The following SLC16A12 variants were observed in gnomAD, a reference collection of about 807,000 sequenced individuals.
SLC16A12 encodes solute carrier family 16 member 12, also known as monocarboxylate transporter 12.
In SLC16A12, 17 loss-of-function variants were observed where a neutral mutation model predicts 42.4. That is an observed-to-expected ratio of 0.40 (90% CI 0.27 to 0.60). The LOEUF (loss-of-function observed/expected upper bound fraction) is 0.60, where lower values mean the gene tolerates loss of function less well. SLC16A12 is among the 20% of genes least tolerant of loss of function. The pLI is 0.42. For synonymous variants in SLC16A12, 224 were observed against 229.4 expected, an observed-to-expected ratio of 0.98 and a Z score of 0.21; for missense variants, 544 against 623.0, an observed-to-expected ratio of 0.87 and a Z score of 1.35.
chr10:89,525,474 G>A (rs995272054), intron 2 of SLC16A12, among the ~76,000 whole-genome samples: 1 of 152,102 alleles, frequency 6.6e-6, no homozygotes, highest in East Asian at 1.9e-4. Context: ...GGAAGATAAC[G>A]AAAGAAGTCA....
intron 2 of SLC16A12, among the ~76,000 whole-genome samples, chr10:89,476,982 G>A (rs1842590979): frequency 6.6e-6 from 1 of 152,220 alleles, no homozygotes; most frequent in African/African-American, 2.4e-5. Flanking sequence ...AGCCACAGCA[G>A]GTCACACAAA....
chr10:89,508,008 C>A (rs372788377), intron 2 of SLC16A12, among the ~76,000 whole-genome samples: 1 of 152,182 alleles, frequency 6.6e-6, no homozygotes, highest in Non-Finnish European at 1.5e-5. Flanking sequence ...GTAACGGGAT[C>A]AATCGACAAG....
chr10:89,462,922 G>T, intron 2 of SLC16A12: 1 of 231,318 alleles, frequency 4.3e-6, no homozygotes, highest in Non-Finnish European at 8.4e-6. Flanking sequence ...AGGGATGTGA[G>T]CAGAAGTCAT....
intron 2 of SLC16A12, among the ~76,000 whole-genome samples, chr10:89,493,245 G>A (rs1842873175): frequency 6.7e-6 from 1 of 148,374 alleles, no homozygotes; most frequent in East Asian, 2.0e-4. Context: ...GGTCTGAGAA[G>A]GAGTTTCACT....
chr10:89,482,247 A>C (rs1842675675), intron 2 of SLC16A12, among the ~76,000 whole-genome samples: 1 of 150,894 alleles, frequency 6.6e-6, no homozygotes. Flanking sequence ...AAAAAAAAAA[A>C]AAAAAGAAGA....
intron 3 of SLC16A12, among the ~76,000 whole-genome samples, chr10:89,445,028 C>T (rs866634763): frequency 1.2e-4 from 19 of 152,372 alleles, no homozygotes; most frequent in South Asian, 4.1e-4. Flanking sequence ...AACTGTGAGG[C>T]GGCAGCCCGG....
intron 2 of SLC16A12, among the ~76,000 whole-genome samples, chr10:89,485,599 C>T (rs554958414): frequency 6.6e-6 from 1 of 152,220 alleles, no homozygotes; most frequent in East Asian, 1.9e-4. Context: ...GGGAGAACAA[C>T]TCAGGATGGC....
intron 3 of SLC16A12, among the ~76,000 whole-genome samples, chr10:89,446,813 C>G (rs1278776897): frequency 6.6e-6 from 1 of 151,906 alleles, no homozygotes; most frequent in African/African-American, 2.4e-5. Context: ...ACAGACTAGC[C>G]AATTGGATAA....
chr10:89,453,767 A>G (rs1017528520), intron 3 of SLC16A12, among the ~76,000 whole-genome samples: 4 of 152,186 alleles, frequency 2.6e-5, no homozygotes, highest in African/African-American at 9.6e-5. Flanking sequence ...TCCTTACCCG[A>G]AGGCTTCTCA....
intron 2 of SLC16A12, among the ~76,000 whole-genome samples, chr10:89,495,286 G>A (rs557484760): frequency 4.5e-4 from 68 of 152,058 alleles, no homozygotes; most frequent in African/African-American, 1.5e-3. Context: ...CCTAGGAGGC[G>A]GAGGTTGCAG....
intron 2 of SLC16A12, among the ~76,000 whole-genome samples, chr10:89,502,126 A>T (rs1270315577): frequency 6.6e-6 from 1 of 152,122 alleles, no homozygotes; most frequent in Non-Finnish European, 1.5e-5. Context: ...AGTATACAGC[A>T]CAATGACCAT....
rs544533856 is a variant in SLC16A12, at chr10:89,528,858, G to A, written c.-47+5643C>T. 9.9e-5 allele frequency among the ~76,000 whole-genome samples: 15 copies of A among 152,216 alleles called. No homozygotes were observed. The South Asian group carries it at 3.1e-3, about 32-fold the overall frequency. ...GGTACCAGTTTTTTTCCTTCCTCAG[G>A]TGATTCTAATGTGTAGGTGGGGTTG... On this transcript the variant is annotated intron_variant, in intron 2 of 7. Transcript: ENST00000371790.
intron 2 of SLC16A12, among the ~76,000 whole-genome samples, chr10:89,551,556 C>A (rs569716531): frequency 4.4e-4 from 67 of 152,282 alleles, no homozygotes; most frequent in African/African-American, 1.5e-3. Context: ...GGCTCTGTGT[C>A]CCCACCCAAA....
intron 2 of SLC16A12, among the ~76,000 whole-genome samples, chr10:89,542,438 G>A (rs544499307): frequency 2.0e-5 from 3 of 151,824 alleles, no homozygotes; most frequent in South Asian, 2.1e-4. Flanking sequence ...GAGTAACTGG[G>A]ACTACAGGCA....
chr10:89,525,220 CAAAAAAAA>C (rs869295721), intron 2 of SLC16A12, among the ~76,000 whole-genome samples: 16 of 64,642 alleles, frequency 2.5e-4, no homozygotes, highest in East Asian at 6.8e-4. Flanking sequence ...GACACCATAT[CAAAAAAAA>C]AAAAAAAAAA....
At chr10:89,490,837 G>A (rs933434071) in intron 2 of SLC16A12, among the ~76,000 whole-genome samples, 1 of 152,156 alleles carries the variant, frequency 6.6e-6, no homozygotes, top group African/African-American at 2.4e-5. Flanking sequence ...CAACCCTTTA[G>A]TCATGGGACA....
At chr10:89,434,737 T>C (rs1389032583) in intron 7 of SLC16A12, among the ~76,000 whole-genome samples, 1 of 152,240 alleles carries the variant, frequency 6.6e-6, no homozygotes, top group African/African-American at 2.4e-5. Context: ...TTCAGAGAAC[T>C]TGTTCACTCT....
chr10:89,533,368 A>T (rs1036514541), intron 2 of SLC16A12, among the ~76,000 whole-genome samples: 1 of 152,316 alleles, frequency 6.6e-6, no homozygotes, highest in Admixed American at 6.5e-5. Flanking sequence ...GTTCATTGAC[A>T]TATCCCAAAT....
At chr10:89,463,729 C>T (rs1366721954) in intron 2 of SLC16A12, among the ~76,000 whole-genome samples, 1 of 152,174 alleles carries the variant, frequency 6.6e-6, no homozygotes, top group Non-Finnish European at 1.5e-5. Context: ...GCAATACATA[C>T]TTCAAAGAAG....
Sources: gnomAD v4.1 joint callset for allele counts (sites outside exome capture counted in the v4.1 genomes callset) on GRCh38, gnomAD v4.1.1 for gene constraint, MANE v1.5 for transcripts, NCBI Gene and HGNC (gene_info 2026-07-23, HGNC 2026-07-21) for gene names.